Variants in CDKL4 observed in about 807,000 individuals in gnomAD.
CDKL4 encodes cyclin dependent kinase like 4.
In CDKL4, 44 loss-of-function variants were observed where a neutral mutation model predicts 42.0. That is an observed-to-expected ratio of 1.05 (90% CI 0.82 to 1.35). The LOEUF (loss-of-function observed/expected upper bound fraction) is 1.35. Among genes scored for constraint, CDKL4 ranks in the 40% most tolerant of loss-of-function variants. The probability of loss-of-function intolerance (pLI) is 0.00; values close to 1 mark genes in which losing one functional copy is unlikely to be tolerated. For missense variants in CDKL4, 393 were observed against 369.9 expected (o/e 1.06, Z -0.51); for synonymous variants, 120 against 121.6 (o/e 0.99, Z 0.09).
chr2:39,208,825 T>C (rs147162121), intron 4 of CDKL4, among the ~76,000 whole-genome samples: 2 of 151,192 alleles, frequency 1.3e-5, no homozygotes, highest in East Asian at 3.9e-4. Context: ...GCTTCTTAAA[T>C]AGCCTGATAA....
At chr2:39,213,720 T>C (rs72927499) in intron 3 of CDKL4, among the ~76,000 whole-genome samples, 11,176 of 151,068 alleles carry the variant, frequency 0.074, 1,404 homozygotes, top group African/African-American at 0.26. Flanking sequence ...TCAAAAAATA[T>C]AGAAAAGTAA....
chr2:39,211,874 G>A (rs1223490178), intron 4 of CDKL4, among the ~76,000 whole-genome samples: 1 of 152,102 alleles, frequency 6.6e-6, no homozygotes, highest in African/African-American at 2.4e-5. Context: ...TAATGGGGAT[G>A]CGATATGAAG....
At chr2:39,213,029 A>G (rs1430704731) in intron 4 of CDKL4, among the ~76,000 whole-genome samples, 2 of 152,220 alleles carry the variant, frequency 1.3e-5, no homozygotes, top group East Asian at 3.8e-4. Context: ...AAAAGGAATC[A>G]TTATATTTAT....
At chr2:39,198,762 G>T (rs774446086) in intron 5 of CDKL4, among the ~76,000 whole-genome samples, 43 of 152,026 alleles carry the variant, frequency 2.8e-4, no homozygotes, top group Non-Finnish European at 5.4e-4. Flanking sequence ...AACCAAGATG[G>T]AAACTTAAAA....
intron 7 of CDKL4, among the ~76,000 whole-genome samples, chr2:39,185,394 A>G (rs1367845504): frequency 1.2e-5 from 1 of 85,042 alleles, no homozygotes; most frequent in African/African-American, 5.5e-5. Context: ...ATACATGTAT[A>G]TATACATATG....
At chr2:39,234,070 C>T (rs1679229909) in intron 1 of CDKL4, among the ~76,000 whole-genome samples, 1 of 151,812 alleles carries the variant, frequency 6.6e-6, no homozygotes, top group Admixed American at 6.6e-5. Flanking sequence ...TGTGCCACCA[C>T]TCCCGGCTAA....
intron 7 of CDKL4, among the ~76,000 whole-genome samples, chr2:39,186,637 G>C (rs1435091605): frequency 6.6e-6 from 1 of 152,092 alleles, no homozygotes; most frequent in Non-Finnish European, 1.5e-5. Flanking sequence ...AGTTTAATGA[G>C]TACAATGGGG....
intron 5 of CDKL4, among the ~76,000 whole-genome samples, chr2:39,203,849 CT>C (rs1225085132): frequency 6.6e-6 from 1 of 152,204 alleles, no homozygotes; most frequent in Admixed American, 6.5e-5. Context: ...CTCAGAAAGC[CT>C]TGATCGGGTT....
chr2:39,174,684 A>G (rs1338727886), downstream of CDKL4, among the ~76,000 whole-genome samples: 1 of 152,194 alleles, frequency 6.6e-6, no homozygotes, highest in Non-Finnish European at 1.5e-5. Context: ...GAAATGAGTT[A>G]ATAAAATACT....
chr2:39,168,948 G>A, the CDKL4 span, among the ~76,000 whole-genome samples: 1 of 151,908 alleles, frequency 6.6e-6, no homozygotes, highest in African/African-American at 2.4e-5. Flanking sequence ...GTAAAGACGG[G>A]GTTTCACCAT....
intron 6 of CDKL4, among the ~76,000 whole-genome samples, chr2:39,189,388 C>A (rs1676038575): frequency 6.6e-6 from 1 of 152,302 alleles, no homozygotes; most frequent in South Asian, 2.1e-4. Context: ...GCTCCCTAAG[C>A]CTCTGTTTCC....
At chr2:39,221,754 C>A (rs1045373757) in intron 3 of CDKL4, among the ~76,000 whole-genome samples, 2 of 152,160 alleles carry the variant, frequency 1.3e-5, no homozygotes, top group African/African-American at 4.8e-5. Flanking sequence ...CTTGAACATG[C>A]CTTGCTCTTT....
chr2:39,188,196 G>T (rs114121164), intron 6 of CDKL4, among the ~76,000 whole-genome samples: 3,320 of 152,214 alleles, frequency 0.022, 44 homozygotes, highest in South Asian at 0.027. Context: ...TTCTGCAGAC[G>T]CATGCCTTCT....
chr2:39,245,310 G>A (rs1264227591), upstream of CDKL4, among the ~76,000 whole-genome samples: 1 of 152,120 alleles, frequency 6.6e-6, no homozygotes, highest in Non-Finnish European at 1.5e-5. Flanking sequence ...GCTGCCTTAA[G>A]AGCTGTAACA....
chr2:39,199,789 G>A (rs1214964095), intron 5 of CDKL4, among the ~76,000 whole-genome samples: 2 of 151,972 alleles, frequency 1.3e-5, no homozygotes, highest in African/African-American at 4.8e-5. Context: ...ATTCAGCATT[G>A]CTTTATGATG....
At chr2:39,223,894 A>G (rs1678532608) in intron 3 of CDKL4, among the ~76,000 whole-genome samples, 2 of 152,106 alleles carry the variant, frequency 1.3e-5, no homozygotes, top group African/African-American at 4.8e-5. Flanking sequence ...CACTGCACCC[A>G]GCCTCCTTCT....
chr2:39,195,709 C>T (rs193132695), intron 5 of CDKL4, among the ~76,000 whole-genome samples: 17 of 141,450 alleles, frequency 1.2e-4, no homozygotes, highest in Admixed American at 8.3e-4. Context: ...GTGGTGCAGT[C>T]TTGGCTCACT....
At chr2:39,236,593 G>T (rs1679388172) in intron 1 of CDKL4, among the ~76,000 whole-genome samples, 2 of 152,084 alleles carry the variant, frequency 1.3e-5, no homozygotes, top group African/African-American at 4.8e-5. Context: ...ATGCTTAATG[G>T]CTGACTCTTC....
intron 8 of CDKL4, among the ~76,000 whole-genome samples, chr2:39,183,422 A>G (rs962300842): frequency 1.3e-5 from 2 of 152,168 alleles, no homozygotes; most frequent in African/African-American, 2.4e-5. Flanking sequence ...TATGGGTCTA[A>G]ATAAAATAGT....
Sources: gnomAD v4.1 joint callset for allele counts (sites outside exome capture counted in the v4.1 genomes callset) on GRCh38, gnomAD v4.1.1 for gene constraint, MANE v1.5 for transcripts, NCBI Gene and HGNC (gene_info 2026-07-23, HGNC 2026-07-21) for gene names.